Variants in FRS2 observed in about 807,000 individuals in gnomAD.
FRS2 encodes fibroblast growth factor receptor substrate 2, also known as FGFR signalling adaptor.
A neutral mutation model predicts 43.9 loss-of-function variants in FRS2; 8 were observed. That is an observed-to-expected ratio of 0.18 (90% CI 0.11 to 0.33). FRS2 has a LOEUF of 0.33. FRS2 is among the 10% of genes least tolerant of loss of function. FRS2 has a pLI of 1.00. For synonymous variants in FRS2, 219 were observed against 220.3 expected (o/e 0.99, Z 0.05); for missense variants, 534 against 627.6 (o/e 0.85, Z 1.59).
chr12:69,520,406 AGCCCTTTAATGT>A (rs1437563418), intron 1 of FRS2, among the ~76,000 whole-genome samples: 6 of 144,516 alleles, frequency 4.2e-5, no homozygotes, highest in African/African-American at 1.3e-4. Context: ...GCTGGGCAGA[AGCCCTTTAATGT>A]AATTAGATCT....
At chr12:69,492,579 C>T (rs1872571793) in intron 1 of FRS2, among the ~76,000 whole-genome samples, 1 of 152,104 alleles carries the variant, frequency 6.6e-6, no homozygotes, top group Admixed American at 6.5e-5. Flanking sequence ...TTAAAAATCT[C>T]ATATATTTTT....
chr12:69,532,819 C>G (rs865984280), intron 3 of FRS2, among the ~76,000 whole-genome samples: 1 of 152,204 alleles, frequency 6.6e-6, no homozygotes, highest in Non-Finnish European at 1.5e-5. Flanking sequence ...CCAGAAAGTA[C>G]TGAAGTTGAT....
chr12:69,483,366 C>A (rs1343448928), intron 1 of FRS2, among the ~76,000 whole-genome samples: 1 of 152,110 alleles, frequency 6.6e-6, no homozygotes, highest in Non-Finnish European at 1.5e-5. Context: ...GCCCCGTGAC[C>A]CCCAACCACT....
rs940092832 is a variant in FRS2, at chr12:69,577,446, A to T, written c.*2491A>T. On this transcript the variant is annotated 3_prime_UTR_variant, in exon 9 of 9. Transcript: ENST00000549921. ...GTACCTATTACTAGGTGCATTTTAG[A>T]ATGAAATATTGATATTTTATTAGCA... 2.6e-5 allele frequency: 4 copies of T among 152,240 alleles called. No homozygotes were observed. The highest frequency in any genetic ancestry group is 9.7e-5 in the African/African-American group (4 of 41,440). 9.4% of individuals were successfully genotyped at this position (152,240 alleles called of 1,614,324 possible).
chr12:69,564,174 C>A (rs1321207556), intron 4 of FRS2, among the ~76,000 whole-genome samples: 1 of 151,970 alleles, frequency 6.6e-6, no homozygotes, highest in African/African-American at 2.4e-5. Flanking sequence ...TGTAGTTTGG[C>A]ATCTGTCTCT....
intron 1 of FRS2, among the ~76,000 whole-genome samples, chr12:69,529,517 G>A (rs1006541319): frequency 1.1e-4 from 17 of 151,912 alleles, no homozygotes; most frequent in Admixed American, 9.8e-4. Context: ...CCAGCTACTC[G>A]GGAGGCTAAG....
At chr12:69,552,076 C>A (rs1355257022) in intron 3 of FRS2, among the ~76,000 whole-genome samples, 1 of 151,820 alleles carries the variant, frequency 6.6e-6, no homozygotes, top group Admixed American at 6.6e-5. Context: ...GAGGCCAAGG[C>A]GGGCAGATCA....
At chr12:69,568,882 C>G (rs1168367206) in intron 4 of FRS2, 123 bp from the exon 5 acceptor site, 6 of 491,968 alleles carry the variant, frequency 1.2e-5, no homozygotes, top group Non-Finnish European at 1.8e-5. Flanking sequence ...AGCCATATAC[C>G]TTGTTGGACT....
chr12:69,531,390 A>G (rs492300), intron 2 of FRS2, among the ~76,000 whole-genome samples: 14,264 of 152,114 alleles, frequency 0.094, 884 homozygotes, highest in Non-Finnish European at 0.14. Context: ...TTTACTTTGT[A>G]GTACAAATTC....
intron 1 of FRS2, among the ~76,000 whole-genome samples, chr12:69,516,482 T>C (rs1875055332): frequency 6.6e-6 from 1 of 152,016 alleles, no homozygotes; most frequent in Admixed American, 6.6e-5. Flanking sequence ...CCTCCCAAAG[T>C]GCTGGGATTA....
intron 1 of FRS2, among the ~76,000 whole-genome samples, chr12:69,510,928 T>G (rs1410792799): frequency 6.6e-6 from 1 of 152,190 alleles, no homozygotes; most frequent in Non-Finnish European, 1.5e-5. Context: ...TTTGAAGCTC[T>G]TTGAACATGT....
intron 3 of FRS2, among the ~76,000 whole-genome samples, chr12:69,557,619 T>TGTGTGCGCGCGCGCGCGCGCGC (rs1555192498): frequency 8.4e-6 from 1 of 118,966 alleles, no homozygotes; most frequent in Non-Finnish European, 1.9e-5. Flanking sequence ...TGTGTGTGTG[T>TGTGTGCGCGCGCGCGCGCGCGC]GCGCGCGCGC....
intron 1 of FRS2, among the ~76,000 whole-genome samples, chr12:69,510,322 G>C (rs997844328): frequency 2.6e-5 from 4 of 152,124 alleles, no homozygotes; most frequent in Non-Finnish European, 5.9e-5. Context: ...TCTGTGTCTT[G>C]ACACTTGTGA....
At chr12:69,558,337 C>A (rs1440986444) in intron 3 of FRS2, among the ~76,000 whole-genome samples, 1 of 152,176 alleles carries the variant, frequency 6.6e-6, no homozygotes, top group African/African-American at 2.4e-5. Flanking sequence ...CAATTTTCTG[C>A]CTCCATGGGA....
intron 3 of FRS2, among the ~76,000 whole-genome samples, chr12:69,550,303 C>A (rs1878763674): frequency 6.6e-6 from 1 of 151,980 alleles, no homozygotes; most frequent in Admixed American, 6.6e-5. Context: ...TATTTTTTTC[C>A]ATCTTCATTG....
At chr12:69,485,109 A>ACGCGCGCG (rs941367816) in intron 1 of FRS2, among the ~76,000 whole-genome samples, 58 of 148,766 alleles carry the variant, frequency 3.9e-4, no homozygotes, top group African/African-American at 1.1e-3. Flanking sequence ...ACACACACAC[A>ACGCGCGCG]CACACACACA....
rs143055532 is a variant in FRS2 at position 69,563,857 on chromosome 12, A to T, written c.-27+1583A>T. On this transcript the variant is annotated intron_variant, in intron 4 of 8. Transcript: ENST00000549921. ...TTCCTCTCTCCTCAGAGAATGAAGC[A>T]TTCCTCCTTCTCTGGGTAAACCTCT... Among the ~76,000 whole-genome samples the T allele has an allele frequency of 2.5e-4, 38 of 152,090 alleles. No homozygotes were observed. The East Asian group carries it at 5.6e-3, about 22-fold the overall frequency.
chr12:69,496,848 A>G (rs1946730701), intron 1 of FRS2, among the ~76,000 whole-genome samples: 1 of 152,248 alleles, frequency 6.6e-6, no homozygotes, highest in African/African-American at 2.4e-5. Context: ...AGTGGCTGAA[A>G]TTAATAACAA....
chr12:69,490,942 A>T (rs1872420001), intron 1 of FRS2, among the ~76,000 whole-genome samples: 1 of 152,236 alleles, frequency 6.6e-6, no homozygotes, highest in Admixed American at 6.5e-5. Flanking sequence ...AATTATTTTA[A>T]CAAAAGTTTA....
Sources: allele counts gnomAD v4.1 joint callset (sites outside exome capture counted in the v4.1 genomes callset), GRCh38; gene constraint gnomAD v4.1.1; transcripts MANE v1.5; gene names NCBI Gene and HGNC (gene_info 2026-07-23, HGNC 2026-07-21).